Variants in MACF1 observed in about 807,000 individuals in gnomAD.
MACF1 encodes microtubule actin crosslinking factor 1, also known as microtubule-actin cross-linking factor 1.
In MACF1, 193 loss-of-function variants were observed where a neutral mutation model predicts 854.8. That is an observed-to-expected ratio of 0.23 (90% CI 0.20 to 0.25). MACF1 has a LOEUF of 0.25. Among genes scored for constraint, MACF1 ranks in the 10% least tolerant of loss-of-function variants. The probability of loss-of-function intolerance (pLI) is 1.00; values close to 1 mark genes in which losing one functional copy is unlikely to be tolerated. For synonymous variants in MACF1, 3,185 were observed against 3,226.7 expected (o/e 0.99, Z 0.44); for missense variants, 7,722 against 8,929.1 (o/e 0.86, Z 5.45).
chr1:39,104,533 ATC>A (rs1280609826), intron 2 of MACF1, among the ~76,000 whole-genome samples: 2 of 151,612 alleles, frequency 1.3e-5, no homozygotes, highest in Non-Finnish European at 2.9e-5. Flanking sequence ...CTCCCTTTTG[ATC>A]TCTGTCTCTC....
rs1035843616 is a variant in MACF1, at chr1:39,387,329, A to G, written c.14487A>G (p.Leu4829=). The G allele has an allele frequency of 2.5e-6, 4 of 1,614,108 alleles. No individual in the cohort carries two copies. The African/African-American group carries it at 4.0e-5, about 16-fold the overall frequency. ...NCPISAKLER[L]QSQLQENEEF... ...CAATTTCTGCAAAATTGGAGCGGCT[A>G]CAGTCTCAGCTACAGGAGAATGAAG... is the stretch of plus-strand genomic sequence containing the variant. Residue 4829 remains leucine, a synonymous_variant, in exon 58 of 101, where the codon CTA becomes CTG. Coordinates refer to ENST00000564288, the MANE Select transcript of MACF1 (RefSeq NM_001394062.1).
intron 15 of MACF1, among the ~76,000 whole-genome samples, chr1:39,290,577 A>AT (rs1208867215): frequency 3.0e-5 from 3 of 99,504 alleles, no homozygotes; most frequent in Non-Finnish European, 6.3e-5. Flanking sequence ...AATGTCTTGT[A>AT]TTTTTTATAG....
At chr1:39,186,169 CATCTCT>C (rs1644165599) in intron 2 of MACF1, among the ~76,000 whole-genome samples, 1 of 61,586 alleles carries the variant, frequency 1.6e-5, no homozygotes, top group African/African-American at 5.5e-5. Context: ...GGATTCTGAA[CATCTCT>C]CTCTCTCTCT....
intron 1 of MACF1, among the ~76,000 whole-genome samples, chr1:39,230,079 TAATG>T (rs1644761063): frequency 6.6e-6 from 1 of 152,128 alleles, no homozygotes; most frequent in African/African-American, 2.4e-5. Flanking sequence ...TAGATGTCCT[TAATG>T]AATAGGGTAA....
intron 31 of MACF1, 28 bp from the exon 32 acceptor site, chr1:39,322,580 A>G (rs1434116497): frequency 6.5e-7 from 1 of 1,536,750 alleles, no homozygotes; most frequent in East Asian, 2.2e-5. Context: ...AACCCTGAGT[A>G]ACTGTAGCGA....
At chr1:39,167,200 G>A (rs186821619) in intron 2 of MACF1, among the ~76,000 whole-genome samples, 116 of 151,874 alleles carry the variant, frequency 7.6e-4, no homozygotes, top group Middle Eastern at 3.4e-3. Context: ...GACCTTGGGT[G>A]ATCCACCCAC....
chr1:39,323,130 A>G, intron 33 of MACF1, 122 bp downstream of exon 33: 1 of 846,650 alleles, frequency 1.2e-6, no homozygotes, highest in Non-Finnish European at 2.0e-6. Flanking sequence ...ACTTGAGTCT[A>G]GGAGTTTGAA....
chr1:39,440,873 T>C, intron 72 of MACF1, 130 bp from the exon 73 acceptor site: 1 of 772,478 alleles, frequency 1.3e-6, no homozygotes, highest in Non-Finnish European at 2.1e-6. Context: ...GAAGCTTTAG[T>C]GTCCAGATAA....
intron 82 of MACF1, 46 bp downstream of exon 82, chr1:39,447,944 T>G: frequency 6.2e-7 from 1 of 1,611,544 alleles, no homozygotes; most frequent in Non-Finnish European, 8.5e-7. Context: ...AGTCTTGGGC[T>G]GCATGTATTG....
At chr1:39,225,372 G>A (rs937753042) in intron 1 of MACF1, among the ~76,000 whole-genome samples, 1 of 150,230 alleles carries the variant, frequency 6.7e-6, no homozygotes. Context: ...GCCCGCCACC[G>A]CGCCCGGCTA....
chr1:39,380,032 A>G (rs1650039766), intron 54 of MACF1, among the ~76,000 whole-genome samples: 1 of 152,230 alleles, frequency 6.6e-6, no homozygotes, highest in South Asian at 2.1e-4. Context: ...TGTATTATAC[A>G]TAAAAGAAAC....
intron 4 of MACF1, among the ~76,000 whole-genome samples, chr1:39,253,165 A>C (rs1331261295): frequency 1.3e-5 from 2 of 152,224 alleles, no homozygotes; most frequent in Non-Finnish European, 2.9e-5. Context: ...CTCAGTAGGC[A>C]AAGAGACTGC....
chr1:39,122,574 G>A (rs1190700608), intron 2 of MACF1, among the ~76,000 whole-genome samples: 1 of 152,098 alleles, frequency 6.6e-6, no homozygotes, highest in Non-Finnish European at 1.5e-5. Flanking sequence ...TAAGCGCTAA[G>A]AGCACAAACA....
intron 6 of MACF1, among the ~76,000 whole-genome samples, chr1:39,276,093 A>G (rs1223483597): frequency 6.6e-6 from 1 of 151,666 alleles, no homozygotes; most frequent in Non-Finnish European, 1.5e-5. Flanking sequence ...CTAATTTTTA[A>G]ATTTTTTGTA....
intron 58 of MACF1, chr1:39,413,704 G>C (rs746764907): frequency 3.1e-6 from 5 of 1,604,206 alleles, no homozygotes; most frequent in Non-Finnish European, 4.2e-6. Flanking sequence ...TGCCTTCCCA[G>C]CTCCTGCAGT....
intron 2 of MACF1, among the ~76,000 whole-genome samples, chr1:39,174,445 A>G (rs1643998175): frequency 6.6e-6 from 1 of 152,176 alleles, no homozygotes; most frequent in African/African-American, 2.4e-5. Context: ...TTCGATTAGT[A>G]ATTCCAAATG....
chr1:39,192,618 A>G (rs911453003), intron 2 of MACF1, among the ~76,000 whole-genome samples: 11 of 152,340 alleles, frequency 7.2e-5, no homozygotes, highest in Admixed American at 6.5e-4. Flanking sequence ...TCAGAATAAA[A>G]GCAACACAGT....
At position 39,331,978 on chromosome 1, in the gene MACF1, A is replaced by G. The variant is rs1571347675; in HGVS notation, c.5390A>G (p.Gln1797Arg). The change falls in exon 37 of 101, where the codon CAA becomes CGA. Residue 1797 changes from glutamine to arginine, a missense_variant. Physicochemically the swap from Gln to Arg is conservative, Grantham distance 43. This residue lies in a region of MACF1 where 1,531 missense variants were observed against 1,601.6 expected (regional missense o/e 0.96). Transcript: ENST00000564288. The stretch of plus-strand genomic sequence containing the variant: ...GCTGTAAGACATAATCTGATTGACC[A>G]AGATATGGCCTGTGCTATCCTCATA... Reference protein sequence around the residue: ...EEAVRHNLIDQDMACAILIRQ... With the variant: ...EEAVRHNLIDRDMACAILIRQ... The G allele has an allele frequency of 6.2e-7, 1 of 1,614,104 alleles. No individual in the cohort carries two copies. Among genetic ancestry groups the G allele is most frequent in the East Asian group, 2.2e-5 (1 of 44,878 alleles).
At chr1:39,375,777 T>C (rs527528878) in intron 52 of MACF1, among the ~76,000 whole-genome samples, 5 of 152,356 alleles carry the variant, frequency 3.3e-5, no homozygotes, top group Non-Finnish European at 7.3e-5. Flanking sequence ...GAAATTATTG[T>C]TTCAAAGTTA....
Sources: gnomAD v4.1 joint callset for allele counts (sites outside exome capture counted in the v4.1 genomes callset) on GRCh38, gnomAD v4.1.1 for gene constraint, gnomAD v4.1.1 regional missense constraint, MANE v1.5 for transcripts, NCBI Gene and HGNC (gene_info 2026-07-23, HGNC 2026-07-21) for gene names.